Variants in GTF2F2 observed in about 807,000 individuals in gnomAD.
The protein encoded by GTF2F2 is ATP-dependent helicase GTF2F2.
In GTF2F2, 23 loss-of-function variants were observed where a neutral mutation model predicts 42.2. That is an observed-to-expected ratio of 0.55 (90% CI 0.39 to 0.77). GTF2F2 has a LOEUF of 0.77. Ranked by LOEUF, GTF2F2 falls within the 30% of genes least tolerant of loss-of-function variation. The probability of loss-of-function intolerance (pLI) is 0.00; values close to 1 mark genes in which losing one functional copy is unlikely to be tolerated. For synonymous variants in GTF2F2, 105 were observed against 100.8 expected, an observed-to-expected ratio of 1.04 and a Z score of -0.25; for missense variants, 261 against 287.2, an observed-to-expected ratio of 0.91 and a Z score of 0.66.
chr13:45,128,345 C>T (rs965886145), intron 1 of GTF2F2, among the ~76,000 whole-genome samples: 1 of 149,058 alleles, frequency 6.7e-6, no homozygotes, highest in African/African-American at 2.4e-5. Flanking sequence ...GAGGCCGAGG[C>T]GGGCAGATCA....
intron 4 of GTF2F2, among the ~76,000 whole-genome samples, chr13:45,199,857 A>C (rs1873089216): frequency 6.6e-6 from 1 of 152,086 alleles, no homozygotes; most frequent in African/African-American, 2.4e-5. Flanking sequence ...TCATCACTTA[A>C]CATCTGCTTG....
chr13:45,159,734 A>G (rs1210814729), intron 4 of GTF2F2, among the ~76,000 whole-genome samples: 1 of 152,084 alleles, frequency 6.6e-6, no homozygotes, highest in Admixed American at 6.6e-5. Flanking sequence ...TCAGCCTCCC[A>G]AGTTCTGGGA....
chr13:45,169,311 G>C (rs1871478017), intron 4 of GTF2F2, among the ~76,000 whole-genome samples: 1 of 152,176 alleles, frequency 6.6e-6, no homozygotes, highest in Non-Finnish European at 1.5e-5. Context: ...ACTCAGGAGA[G>C]ACTGGGGTTG....
At chr13:45,135,421 G>A (rs759631062) in intron 1 of GTF2F2, among the ~76,000 whole-genome samples, 2 of 151,600 alleles carry the variant, frequency 1.3e-5, no homozygotes, top group East Asian at 1.9e-4. Flanking sequence ...GACCATGCCC[G>A]GCTAATTTTT....
At chr13:45,254,407 G>A (rs975312104) in intron 6 of GTF2F2, among the ~76,000 whole-genome samples, 4 of 152,046 alleles carry the variant, frequency 2.6e-5, no homozygotes, top group Non-Finnish European at 5.9e-5. Context: ...CTTTTTTATT[G>A]TTGTGTATCT....
chr13:45,136,541 G>A (rs1869631376), intron 1 of GTF2F2, among the ~76,000 whole-genome samples, 192 bp from the exon 2 acceptor site: 1 of 152,144 alleles, frequency 6.6e-6, no homozygotes, highest in Admixed American at 6.5e-5. Context: ...TTGCCACCTC[G>A]ATTAAGTTCT....
chr13:45,136,400 G>A (rs181318287), intron 1 of GTF2F2, among the ~76,000 whole-genome samples: 4 of 152,288 alleles, frequency 2.6e-5, no homozygotes, highest in African/African-American at 9.6e-5. Context: ...TGTTACTATA[G>A]TGAGTGCTGT....
At chr13:45,188,927 A>G (rs759677515) in intron 4 of GTF2F2, among the ~76,000 whole-genome samples, 1 of 150,850 alleles carries the variant, frequency 6.6e-6, no homozygotes, top group Non-Finnish European at 1.5e-5. Flanking sequence ...TTTTTAATTT[A>G]AGTTCTAGGG....
At chr13:45,279,016 G>T (rs1378256947) in intron 7 of GTF2F2, among the ~76,000 whole-genome samples, 1 of 151,730 alleles carries the variant, frequency 6.6e-6, no homozygotes, top group African/African-American at 2.4e-5. Flanking sequence ...TAGAGACGAG[G>T]TTTCTCCATG....
chr13:45,205,498 A>C (rs945469896), intron 4 of GTF2F2, among the ~76,000 whole-genome samples: 1 of 152,120 alleles, frequency 6.6e-6, no homozygotes, highest in Non-Finnish European at 1.5e-5. Flanking sequence ...AATTATTTGC[A>C]GGGATAGTAG....
At chr13:45,151,601 AAAC>A in intron 3 of GTF2F2, 83 bp from the exon 4 acceptor site, 1 of 812,690 alleles carries the variant, frequency 1.2e-6, no homozygotes, top group Non-Finnish European at 1.9e-6. Flanking sequence ...ACACATTTAA[AAAC>A]AATTTGATTT....
At position 45,284,676 on chromosome 13, in the gene GTF2F2, A is replaced by G. The variant is rs1345318009; in HGVS notation, c.*1115A>G. On this transcript the variant is annotated 3_prime_UTR_variant, in exon 8 of 8. Coordinates refer to ENST00000340473, the MANE Select transcript of GTF2F2 (RefSeq NM_004128.3). ...CCCAAGTTGCCATAGTGTTTGCAGGAAAAAAAGAGAAAAAATAATAAAAAT... is the reference window on the plus strand; with the variant it reads ...CCCAAGTTGCCATAGTGTTTGCAGGGAAAAAAGAGAAAAAATAATAAAAAT... 1 of 152,192 alleles carries G rather than the reference A, an allele frequency of 6.6e-6. No individual in the cohort carries two copies. Among genetic ancestry groups the G allele is most frequent in the Non-Finnish European group, 1.5e-5 (1 of 68,032 alleles). 9.4% of individuals were successfully genotyped at this position (152,192 alleles called of 1,614,324 possible).
intron 4 of GTF2F2, 77 bp downstream of exon 4, chr13:45,151,908 TTGC>T: frequency 1.8e-6 from 1 of 560,720 alleles, no homozygotes; most frequent in Non-Finnish European, 2.9e-6. Flanking sequence ...ACACTCCTAT[TTGC>T]TTTTTTTTTT....
At chr13:45,267,149 C>CA (rs200147501) in intron 6 of GTF2F2, 84 bp from the exon 7 acceptor site, 139,788 of 921,874 alleles carry the variant, frequency 0.15, 14 homozygotes, top group Middle Eastern at 0.17. Flanking sequence ...AACTCTGTCT[C>CA]AAAAAAAAAA....
At chr13:45,179,017 A>G (rs1262680258) in intron 4 of GTF2F2, among the ~76,000 whole-genome samples, 1 of 152,198 alleles carries the variant, frequency 6.6e-6, no homozygotes. Context: ...GGTCTAGCCC[A>G]TGCTTCTTTA....
At chr13:45,228,687 T>TTTTTTTTTTA (rs1874504585) in intron 5 of GTF2F2, among the ~76,000 whole-genome samples, 12 of 148,934 alleles carry the variant, frequency 8.1e-5, no homozygotes, top group African/African-American at 2.8e-4. Context: ...TTTTTTTTTT[T>TTTTTTTTTTA]GAGACGGAGT....
intron 5 of GTF2F2, among the ~76,000 whole-genome samples, chr13:45,231,013 A>G (rs1463482255): frequency 6.6e-6 from 1 of 151,702 alleles, no homozygotes; most frequent in Non-Finnish European, 1.5e-5. Flanking sequence ...CAATTCTAGT[A>G]TTAATTGTTT....
chr13:45,256,397 C>T (rs1255843614), intron 6 of GTF2F2, among the ~76,000 whole-genome samples: 1 of 152,048 alleles, frequency 6.6e-6, no homozygotes, highest in Non-Finnish European at 1.5e-5. Context: ...ATTCTGAACT[C>T]CTTAGTATAT....
chr13:45,268,821 G>C (rs984030534), intron 7 of GTF2F2, among the ~76,000 whole-genome samples: 4 of 152,168 alleles, frequency 2.6e-5, no homozygotes, highest in Admixed American at 1.3e-4. Flanking sequence ...AGGGAAAGCA[G>C]TTTCTTTGCC....
Sources: gnomAD v4.1 joint callset for allele counts (sites outside exome capture counted in the v4.1 genomes callset) on GRCh38, gnomAD v4.1.1 for gene constraint, MANE v1.5 for transcripts, NCBI Gene and HGNC (gene_info 2026-07-23, HGNC 2026-07-21) for gene names.